The following MED27 variants were observed in gnomAD, a reference collection of about 807,000 sequenced individuals.
MED27 encodes the protein mediator complex subunit 27.
Under a neutral mutation model 38.2 loss-of-function variants are expected in MED27, and 30 were observed. The ratio of observed to expected loss-of-function variants is 0.79; its 90% CI spans 0.59 to 1.07. The LOEUF (loss-of-function observed/expected upper bound fraction) is 1.07, where lower values mean the gene tolerates loss of function less well. MED27 is among the 50% of genes least tolerant of loss of function. The pLI is 0.00. For synonymous variants in MED27, 122 were observed against 153.5 expected, an observed-to-expected ratio of 0.79 and a Z score of 1.52; for missense variants, 289 against 397.5, an observed-to-expected ratio of 0.73 and a Z score of 2.32.
chr9:131,895,526 G>A (rs540362145), intron 4 of MED27, among the ~76,000 whole-genome samples: 6 of 152,214 alleles, frequency 3.9e-5, no homozygotes, highest in African/African-American at 1.2e-4. Context: ...TTAGTCCTGG[G>A]TATCAGTGAA....
chr9:132,001,944 C>T (rs985594706), intron 3 of MED27, among the ~76,000 whole-genome samples: 2 of 152,216 alleles, frequency 1.3e-5, no homozygotes, highest in African/African-American at 2.4e-5. Flanking sequence ...AACAACTCCC[C>T]GTAAGATTCT....
At chr9:132,017,528 G>T (rs1273299469) in intron 2 of MED27, among the ~76,000 whole-genome samples, 2 of 152,148 alleles carry the variant, frequency 1.3e-5, no homozygotes, top group Non-Finnish European at 2.9e-5. Context: ...CACTAACCGG[G>T]AGGAATAAAA....
At chr9:131,911,657 T>C (rs779825129) in intron 4 of MED27, among the ~76,000 whole-genome samples, 1 of 152,214 alleles carries the variant, frequency 6.6e-6, no homozygotes, top group Non-Finnish European at 1.5e-5. Context: ...AAAGATTATA[T>C]ACATTTGGCA....
chr9:131,920,876 A>C (rs754843276), intron 4 of MED27, among the ~76,000 whole-genome samples: 5 of 152,114 alleles, frequency 3.3e-5, no homozygotes, highest in Non-Finnish European at 7.4e-5. Context: ...GGAGGTTCTG[A>C]AGAGAGAAGA....
intron 3 of MED27, among the ~76,000 whole-genome samples, chr9:132,008,401 C>A (rs574350859): frequency 6.6e-6 from 1 of 152,192 alleles, no homozygotes; most frequent in Non-Finnish European, 1.5e-5. Context: ...TTTACGGAAA[C>A]GATAGCACCC....
intron 2 of MED27, among the ~76,000 whole-genome samples, chr9:132,061,241 C>T (rs192725443): frequency 1.2e-3 from 180 of 152,328 alleles, no homozygotes; most frequent in Middle Eastern, 6.8e-3. Flanking sequence ...AAAGGGCCAA[C>T]GGTGCCTTAT....
intron 4 of MED27, among the ~76,000 whole-genome samples, chr9:131,909,807 C>CT (rs1830155181): frequency 6.6e-6 from 1 of 152,164 alleles, no homozygotes; most frequent in Non-Finnish European, 1.5e-5. Flanking sequence ...ATGCAGCTCT[C>CT]TGTGTCCTTA....
intron 2 of MED27, among the ~76,000 whole-genome samples, chr9:132,047,472 A>ACACACACACC (rs1384685992): frequency 6.6e-6 from 1 of 150,946 alleles, no homozygotes; most frequent in Non-Finnish European, 1.5e-5. Context: ...ACACACACAC[A>ACACACACACC]CACGTCTTAG....
intron 3 of MED27, among the ~76,000 whole-genome samples, chr9:131,994,427 C>A (rs1351681757): frequency 1.3e-5 from 2 of 152,148 alleles, no homozygotes. Context: ...AGGGCAATGG[C>A]AGAGATTAGT....
Position 131,860,861 on chromosome 9 carries a change from C to T in MED27, c.802-189G>A, listed in dbSNP as rs962028571. ...TGACTGCTGATGTTCACGTCTGATGCTCGCGTGCCCCTCCTAACCGAAGGA... is the reference window on the plus strand; with the variant it reads ...TGACTGCTGATGTTCACGTCTGATGTTCGCGTGCCCCTCCTAACCGAAGGA... On this transcript the variant is annotated intron_variant, in intron 7 of 7. Transcript: ENST00000292035. The surrounding 1 kb of genome is among the most constrained non-coding windows in gnomAD (Gnocchi z 5.8). 6.6e-6 allele frequency among the ~76,000 whole-genome samples: 1 copy of T among 152,150 alleles called. No individual in the cohort carries two copies. Among genetic ancestry groups the T allele is most frequent in the African/African-American group, 2.4e-5 (1 of 41,436 alleles).
intron 3 of MED27, among the ~76,000 whole-genome samples, chr9:132,000,553 T>C (rs1160323679): frequency 1.3e-5 from 2 of 152,198 alleles, no homozygotes; most frequent in East Asian, 3.9e-4. Flanking sequence ...GACTTGTACA[T>C]GTATGTTCAT....
chr9:131,887,160 C>T (rs925347318), intron 5 of MED27, among the ~76,000 whole-genome samples: 3 of 152,112 alleles, frequency 2.0e-5, no homozygotes, highest in Non-Finnish European at 4.4e-5. Flanking sequence ...AAAAGTTAAA[C>T]ATATTTAAAA....
intron 3 of MED27, among the ~76,000 whole-genome samples, chr9:132,001,837 C>T (rs766420199): frequency 2.7e-4 from 41 of 152,340 alleles, no homozygotes; most frequent in Non-Finnish European, 4.9e-4. Flanking sequence ...GAGCAATCCT[C>T]GTACCCCTTC....
At chr9:131,964,332 A>C (rs1382476060) in intron 3 of MED27, among the ~76,000 whole-genome samples, 305 of 134,702 alleles carry the variant, frequency 2.3e-3, no homozygotes, top group African/African-American at 8.2e-3. Flanking sequence ...GGTGGAGGTG[A>C]TGGTGGTGGT....
At chr9:131,966,031 A>T (rs1405709678) in intron 3 of MED27, among the ~76,000 whole-genome samples, 1 of 150,052 alleles carries the variant, frequency 6.7e-6, no homozygotes, top group Non-Finnish European at 1.5e-5. Context: ...CCCAGAGAGG[A>T]CTTCCACCTT....
chr9:132,052,790 T>C (rs1372034669), intron 2 of MED27, among the ~76,000 whole-genome samples: 1 of 152,204 alleles, frequency 6.6e-6, no homozygotes, highest in African/African-American at 2.4e-5. Context: ...ATTTCTGAGT[T>C]ACTTCACTTA....
At chr9:131,984,757 C>G (rs1161165544) in intron 3 of MED27, among the ~76,000 whole-genome samples, 1 of 152,138 alleles carries the variant, frequency 6.6e-6, no homozygotes, top group Admixed American at 6.5e-5. Context: ...GAGTCACAGT[C>G]CCTGTTTCTC....
intron 3 of MED27, among the ~76,000 whole-genome samples, chr9:131,941,817 A>ATTTTTTTTTTTTTTTTTTTTTTT (rs766438800): frequency 2.4e-5 from 2 of 82,514 alleles, no homozygotes; most frequent in African/African-American, 1.0e-4. Flanking sequence ...ATTCTGCTGA[A>ATTTTTTTTTTTTTTTTTTTTTTT]TTTTTTTTTT....
intron 4 of MED27, among the ~76,000 whole-genome samples, chr9:131,896,369 C>T (rs1326592107): frequency 6.6e-6 from 1 of 152,128 alleles, no homozygotes; most frequent in Admixed American, 6.5e-5. Flanking sequence ...GCAATTGTTT[C>T]CTGAAACATC....
Sources: allele counts gnomAD v4.1 joint callset (sites outside exome capture counted in the v4.1 genomes callset), GRCh38; gene constraint gnomAD v4.1.1; non-coding constraint Gnocchi (gnomAD v3.1); transcripts MANE v1.5; gene names NCBI Gene and HGNC (gene_info 2026-07-23, HGNC 2026-07-21).